Variants in MLIP observed in about 807,000 individuals in gnomAD.
The protein encoded by MLIP is muscular LMNA interacting protein, also known as muscular LMNA-interacting protein.
MLIP carries 79 observed loss-of-function variants against 84.8 expected under a neutral mutation model. The ratio of observed to expected loss-of-function variants is 0.93; its 90% CI spans 0.78 to 1.12. The LOEUF (loss-of-function observed/expected upper bound fraction) is 1.12. MLIP is among the 50% of genes most tolerant of loss of function. MLIP has a pLI of 0.00. For missense variants in MLIP, 1,257 were observed against 1,160.6 expected (o/e 1.08, Z -1.21); for synonymous variants, 504 against 463.0 (o/e 1.09, Z -1.14).
At chr6:54,240,142 A>G (rs1275178590) in intron 12 of MLIP, among the ~76,000 whole-genome samples, 2 of 152,228 alleles carry the variant, frequency 1.3e-5, no homozygotes, top group Non-Finnish European at 2.9e-5. Flanking sequence ...CAACAACAAC[A>G]ACGAAATAGA....
At chr6:54,171,367 C>T (rs1003925126) in intron 9 of MLIP, among the ~76,000 whole-genome samples, 2 of 151,620 alleles carry the variant, frequency 1.3e-5, no homozygotes, top group East Asian at 1.9e-4. Flanking sequence ...AATTAAAATT[C>T]GTTTCCTATG....
intron 1 of MLIP, among the ~76,000 whole-genome samples, chr6:54,106,399 A>G (rs1769020118): frequency 6.6e-6 from 1 of 152,176 alleles, no homozygotes; most frequent in Non-Finnish European, 1.5e-5. Context: ...ATGGTTCATC[A>G]GACCATCCAT....
intron 9 of MLIP, among the ~76,000 whole-genome samples, chr6:54,180,470 AT>A (rs1407869031): frequency 6.6e-6 from 1 of 151,960 alleles, no homozygotes; most frequent in African/African-American, 2.4e-5. Flanking sequence ...TAACTCTTTG[AT>A]TTGCCCTTTT....
upstream of MLIP, among the ~76,000 whole-genome samples, chr6:54,107,660 C>T (rs774545930): frequency 2.0e-5 from 3 of 152,322 alleles, no homozygotes; most frequent in East Asian, 1.9e-4. Flanking sequence ...GTGTTCAGCA[C>T]GTGACTTGTC....
intron 1 of MLIP, among the ~76,000 whole-genome samples, chr6:54,116,484 T>C (rs1360133678): frequency 1.3e-5 from 2 of 152,180 alleles, no homozygotes; most frequent in East Asian, 3.8e-4. Context: ...ACCAAAAAAT[T>C]GGATAAGCTT....
At chr6:54,059,510 A>G (rs922348623) in intron 1 of MLIP, among the ~76,000 whole-genome samples, 1 of 152,226 alleles carries the variant, frequency 6.6e-6, no homozygotes, top group African/African-American at 2.4e-5. Context: ...TAGGATGTGA[A>G]TTAAAATTTG....
chr6:54,125,158 T>G (rs558977310), intron 3 of MLIP, among the ~76,000 whole-genome samples: 1 of 152,264 alleles, frequency 6.6e-6, no homozygotes, highest in African/African-American at 2.4e-5. Context: ...AAATAATTCT[T>G]GGAGAAGGTT....
At chr6:54,036,881 T>C (rs902394006) in intron 1 of MLIP, among the ~76,000 whole-genome samples, 1 of 151,968 alleles carries the variant, frequency 6.6e-6, no homozygotes, top group Non-Finnish European at 1.5e-5. Flanking sequence ...CTCTGATATG[T>C]TTTTCTGAGT....
chr6:54,082,324 T>C (rs1056775952), intron 1 of MLIP, among the ~76,000 whole-genome samples: 1 of 152,208 alleles, frequency 6.6e-6, no homozygotes, highest in Non-Finnish European at 1.5e-5. Context: ...ACACGATTTC[T>C]TGGGCTAGGT....
intron 5 of MLIP, among the ~76,000 whole-genome samples, chr6:54,149,329 A>G (rs1474320340): frequency 1.3e-5 from 2 of 152,128 alleles, no homozygotes; most frequent in African/African-American, 4.8e-5. Flanking sequence ...TAGAGACTGA[A>G]TATGAGCCTA....
In MLIP at chr6:54,230,728, T is replaced by C. The variant is rs1582570738; in HGVS notation, c.2733T>C (p.Pro911=). 13 of 1,614,024 alleles carry C rather than the reference T, an allele frequency of 8.1e-6. No individual in the cohort carries two copies. The highest frequency in any genetic ancestry group is 9.3e-6 in the Non-Finnish European group (11 of 1,179,948). Residue 911 remains proline (P), a synonymous_variant, in exon 12 of 14, where the codon CCT becomes CCC. Coordinates refer to ENST00000502396, the MANE Select transcript of MLIP (RefSeq NM_001281747.2). ...DLFSEQDVTV[P]PKPVSLHPLY... is the part of the protein sequence containing the mutation. ...TTCCCCACCAGGATGTAACAGTCCC[T>C]CCCAAGCCTGTCTCGCTCCATCCTT...
chr6:54,113,469 CT>C (rs2150411626), intron 1 of MLIP, among the ~76,000 whole-genome samples: 1 of 152,198 alleles, frequency 6.6e-6, no homozygotes, highest in East Asian at 1.9e-4. Flanking sequence ...ACAAGGGATC[CT>C]TCCTACAATA....
intron 1 of MLIP, chr6:54,099,590 G>C (rs188603438): frequency 1.3e-5 from 2 of 152,114 alleles, no homozygotes; most frequent in South Asian, 4.1e-4. Flanking sequence ...CCTGCTCAGC[G>C]TCTCTAACCC....
chr6:54,229,932 T>C (rs150957484), intron 11 of MLIP, among the ~76,000 whole-genome samples: 1 of 152,346 alleles, frequency 6.6e-6, no homozygotes, highest in Non-Finnish European at 1.5e-5. Context: ...CTTTTCTTTG[T>C]AGCCTCAAGA....
At chr6:54,035,612 A>C (rs1764386799) in intron 1 of MLIP, among the ~76,000 whole-genome samples, 1 of 152,002 alleles carries the variant, frequency 6.6e-6, no homozygotes, top group South Asian at 2.1e-4. Context: ...CAGTTTCTCT[A>C]TGTCCTCACC....
At chr6:54,238,548 T>C (rs1404668032) in intron 12 of MLIP, among the ~76,000 whole-genome samples, 3 of 152,186 alleles carry the variant, frequency 2.0e-5, no homozygotes, top group Admixed American at 6.5e-5. Context: ...GTCTCTACTC[T>C]GCCAAGTTTG....
At chr6:54,045,336 G>A (rs1277021944) in intron 1 of MLIP, 4 of 68,682 alleles carry the variant, frequency 5.8e-5, no homozygotes, top group Admixed American at 1.8e-4. Flanking sequence ...GGCAGAGTGA[G>A]ACTCCTTTTC....
chr6:54,039,420 C>T (rs1257122921), intron 1 of MLIP, among the ~76,000 whole-genome samples: 1 of 151,932 alleles, frequency 6.6e-6, no homozygotes, highest in African/African-American at 2.4e-5. Flanking sequence ...CAAGGCTGAT[C>T]TCAAAGCCAG....
At chr6:54,205,020 G>A (rs1778940319) in intron 11 of MLIP, among the ~76,000 whole-genome samples, 2 of 152,100 alleles carry the variant, frequency 1.3e-5, no homozygotes, top group African/African-American at 4.8e-5. Flanking sequence ...GGCATGAAAG[G>A]GAAAGATAAG....
Sources: gnomAD v4.1 joint callset for allele counts (sites outside exome capture counted in the v4.1 genomes callset) on GRCh38, gnomAD v4.1.1 for gene constraint, MANE v1.5 for transcripts, NCBI Gene and HGNC (gene_info 2026-07-23, HGNC 2026-07-21) for gene names.